Variants in GALNTL6 observed in about 807,000 individuals in gnomAD.
The protein encoded by GALNTL6 is polypeptide N-acetylgalactosaminyltransferase-like 6.
In GALNTL6, 46 loss-of-function variants were observed where a neutral mutation model predicts 73.7. That is an observed-to-expected ratio of 0.62 (90% CI 0.49 to 0.80). The LOEUF is 0.80. Ranked by LOEUF, GALNTL6 falls within the 30% of genes least tolerant of loss-of-function variation. GALNTL6 has a pLI of 0.00. For missense variants in GALNTL6, 604 were observed against 755.0 expected (o/e 0.80, Z 2.34); for synonymous variants, 259 against 263.7 (o/e 0.98, Z 0.17).
In GALNTL6 at chr4:172,247,963, T is replaced by C. The variant is rs148419074; in HGVS notation, c.247+18199T>C. Among the ~76,000 whole-genome samples, 540 of 152,324 alleles carry C rather than the reference T, an allele frequency of 3.5e-3. 5 individuals are homozygous for C. The highest frequency in any genetic ancestry group is 0.012 in the African/African-American group (490 of 41,584). On this transcript the variant is annotated intron_variant, in intron 3 of 12. Transcript: ENST00000506823. ...TGTGAAAAATACCACTTTTAACTAC[T>C]GAAAAAGAAATGCTATTTCTTTTTA...
intron 2 of GALNTL6, among the ~76,000 whole-genome samples, chr4:171,956,115 G>A (rs980029297): frequency 1.5e-4 from 20 of 136,190 alleles, no homozygotes; most frequent in Middle Eastern, 4.0e-3. Flanking sequence ...TGATCCTCCC[G>A]CCACAGTCTC....
intron 2 of GALNTL6, among the ~76,000 whole-genome samples, chr4:172,047,719 G>C (rs1742261567): frequency 6.6e-6 from 1 of 151,910 alleles, no homozygotes; most frequent in African/African-American, 2.4e-5. Flanking sequence ...AGTTCAGTTA[G>C]TTCTCTATTT....
intron 7 of GALNTL6, among the ~76,000 whole-genome samples, chr4:172,823,095 C>T (rs1193328754): frequency 6.6e-6 from 1 of 152,156 alleles, no homozygotes; most frequent in East Asian, 1.9e-4. Context: ...AGCCCCCTTC[C>T]CAGCACCTGA....
chr4:172,970,995 A>G (rs2126406974), intron 10 of GALNTL6, among the ~76,000 whole-genome samples: 1 of 152,328 alleles, frequency 6.6e-6, no homozygotes, highest in South Asian at 2.1e-4. Flanking sequence ...GGGAGCTGAT[A>G]AATGTCCGTG....
At chr4:172,927,158 T>A (rs1292912551) in intron 8 of GALNTL6, among the ~76,000 whole-genome samples, 6 of 152,208 alleles carry the variant, frequency 3.9e-5, no homozygotes, top group African/African-American at 1.4e-4. Context: ...AAATATATTA[T>A]AAATAAGGTA....
chr4:171,861,934 A>T (rs1302002059), intron 2 of GALNTL6, among the ~76,000 whole-genome samples: 1 of 152,122 alleles, frequency 6.6e-6, no homozygotes, highest in African/African-American at 2.4e-5. Context: ...GTTTACTATG[A>T]TCAATTTTAT....
intron 2 of GALNTL6, among the ~76,000 whole-genome samples, chr4:171,883,899 G>C (rs1467156531): frequency 1.3e-5 from 2 of 151,804 alleles, no homozygotes; most frequent in Non-Finnish European, 2.9e-5. Flanking sequence ...TGCCTGCCTC[G>C]GCCTCCCAAA....
At chr4:172,093,224 C>G (rs1732255507) in intron 2 of GALNTL6, among the ~76,000 whole-genome samples, 2 of 152,192 alleles carry the variant, frequency 1.3e-5, no homozygotes, top group Admixed American at 1.3e-4. Context: ...TCTCAGTCAA[C>G]TTTGACTACA....
chr4:172,264,510 A>G (rs1738367981), intron 3 of GALNTL6, among the ~76,000 whole-genome samples: 1 of 141,334 alleles, frequency 7.1e-6, no homozygotes, highest in South Asian at 2.2e-4. Context: ...TTATATATTT[A>G]TATATTATAT....
intron 5 of GALNTL6, among the ~76,000 whole-genome samples, chr4:172,480,717 C>G (rs1733421029): frequency 6.6e-6 from 1 of 152,126 alleles, no homozygotes. Flanking sequence ...ATCTACTGGT[C>G]TCATTTATTT....
At chr4:173,019,273 G>C (rs1002834040) in intron 11 of GALNTL6, among the ~76,000 whole-genome samples, 6 of 152,176 alleles carry the variant, frequency 3.9e-5, no homozygotes, top group Admixed American at 3.9e-4. Flanking sequence ...ACATGCAGCT[G>C]GGAAATTCTG....
At chr4:172,361,813 T>C (rs1237451408) in intron 5 of GALNTL6, among the ~76,000 whole-genome samples, 1 of 152,130 alleles carries the variant, frequency 6.6e-6, no homozygotes, top group Non-Finnish European at 1.5e-5. Flanking sequence ...TTAAATATGT[T>C]ATTGGGCATC....
At chr4:172,273,067 A>T (rs890787451) in intron 3 of GALNTL6, among the ~76,000 whole-genome samples, 3 of 152,160 alleles carry the variant, frequency 2.0e-5, no homozygotes, top group African/African-American at 7.2e-5. Flanking sequence ...AATAACATAG[A>T]TCCCTCTAAG....
At chr4:171,993,903 A>G (rs559564089) in intron 2 of GALNTL6, among the ~76,000 whole-genome samples, 6 of 152,138 alleles carry the variant, frequency 3.9e-5, no homozygotes, top group Non-Finnish European at 7.4e-5. Context: ...TAAATAAACT[A>G]AAATACTTTT....
chr4:172,818,473 A>G (rs1741732173), intron 7 of GALNTL6, among the ~76,000 whole-genome samples: 2 of 152,198 alleles, frequency 1.3e-5, no homozygotes, highest in African/African-American at 4.8e-5. Flanking sequence ...ATCACCATCA[A>G]TGGAATTCTT....
intron 5 of GALNTL6, among the ~76,000 whole-genome samples, chr4:172,803,520 C>G (rs1437248470): frequency 1.3e-5 from 2 of 152,124 alleles, no homozygotes; most frequent in African/African-American, 4.8e-5. Flanking sequence ...GACCACTTAT[C>G]TAAAGAAATG....
intron 2 of GALNTL6, among the ~76,000 whole-genome samples, chr4:172,207,499 T>C (rs1415104570): frequency 6.6e-6 from 1 of 152,180 alleles, no homozygotes; most frequent in East Asian, 1.9e-4. Context: ...TAAGTTTCAG[T>C]CACTATTTGG....
chr4:172,131,751 G>A (rs1257552122), intron 2 of GALNTL6, among the ~76,000 whole-genome samples: 2 of 151,584 alleles, frequency 1.3e-5, no homozygotes, highest in East Asian at 1.9e-4. Context: ...AAATTCCTTG[G>A]GAGTAGAGAT....
chr4:172,314,600 CT>C (rs773057515), intron 4 of GALNTL6, among the ~76,000 whole-genome samples: 1,163 of 70,580 alleles, frequency 0.016, no homozygotes, highest in African/African-American at 0.053. Context: ...AATGCGTAGG[CT>C]TTTTTTTTTT....
Sources: allele counts gnomAD v4.1 joint callset (sites outside exome capture counted in the v4.1 genomes callset), GRCh38; gene constraint gnomAD v4.1.1; transcripts MANE v1.5; gene names NCBI Gene and HGNC (gene_info 2026-07-23, HGNC 2026-07-21).